The following ASTN2 variants were observed in gnomAD, a reference collection of about 807,000 sequenced individuals.
ASTN2 encodes the protein astrotactin-2.
ASTN2 carries 54 observed loss-of-function variants against 139.8 expected under a neutral mutation model. The observed-to-expected ratio is 0.39, with a 90% CI of 0.31 to 0.48. The LOEUF (loss-of-function observed/expected upper bound fraction) is 0.48, where lower values mean the gene tolerates loss of function less well. Among genes scored for constraint, ASTN2 ranks in the 20% least tolerant of loss-of-function variants. ASTN2 has a pLI of 0.95. For missense variants in ASTN2, 1,565 were observed against 1,725.1 expected, an observed-to-expected ratio of 0.91 and a Z score of 1.64; for synonymous variants, 756 against 719.5, an observed-to-expected ratio of 1.05 and a Z score of -0.81.
chr9:116,880,635 G>C (rs1833428865), intron 10 of ASTN2, among the ~76,000 whole-genome samples: 1 of 152,170 alleles, frequency 6.6e-6, no homozygotes, highest in African/African-American at 2.4e-5. Flanking sequence ...GCTGGAGAAT[G>C]GGGTAAAATA....
In ASTN2 at chr9:117,291,507, G is replaced by T. The variant is rs1834592902; in HGVS notation, c.449C>A (p.Ser150Tyr). 6.2e-7 allele frequency: 1 copy of T among 1,601,816 alleles called. No homozygotes were observed. Among genetic ancestry groups the T allele is most frequent in the Admixed American group, 1.7e-5 (1 of 59,232 alleles). The change falls in exon 2 of 23, where the codon TCT becomes TAT. Residue 150 changes from serine (S) to tyrosine (Y), a missense_variant. This residue lies in a region of ASTN2 where 596 missense variants were observed against 576.8 expected (regional missense o/e 1.03). Transcript: ENST00000313400. The part of the protein sequence containing the change: ...TELPFFTLEM[S>Y]GTAADISLVH... ...CAGCGAGATGTCCGCTGCTGTGCCA[G>T]ACATCTCTGCAAGACAAGACCCGAG...
intron 11 of ASTN2, among the ~76,000 whole-genome samples, chr9:116,825,226 G>C (rs1323592416): frequency 6.6e-6 from 1 of 152,170 alleles, no homozygotes; most frequent in Non-Finnish European, 1.5e-5. Context: ...GAGCATATAG[G>C]CAGGATGCTT....
intron 1 of ASTN2, among the ~76,000 whole-genome samples, chr9:117,412,201 G>A (rs1033001855): frequency 1.3e-5 from 2 of 152,134 alleles, no homozygotes; most frequent in Non-Finnish European, 2.9e-5. Context: ...CCCGTTGAGA[G>A]CGCCTAAAGC....
intron 19 of ASTN2, among the ~76,000 whole-genome samples, chr9:116,545,101 A>T (rs915728771): frequency 6.6e-6 from 1 of 152,184 alleles, no homozygotes; most frequent in African/African-American, 2.4e-5. Flanking sequence ...CTGCACCAGC[A>T]ACTGCTGGCC....
intron 19 of ASTN2, chr9:116,547,194 T>G (rs1266193705): frequency 6.6e-6 from 1 of 152,228 alleles, no homozygotes; most frequent in African/African-American, 2.4e-5. Context: ...GGGATGGTGG[T>G]TCCCCATGTG....
chr9:116,547,519 T>C (rs1414944805), intron 19 of ASTN2: 2 of 152,174 alleles, frequency 1.3e-5, no homozygotes, highest in Admixed American at 6.5e-5. Context: ...TTGATTCTGA[T>C]CTCCTCTGTG....
chr9:117,149,638 C>A (rs1830283308), intron 3 of ASTN2, among the ~76,000 whole-genome samples: 1 of 152,094 alleles, frequency 6.6e-6, no homozygotes, highest in Non-Finnish European at 1.5e-5. Context: ...AAAAAACCAT[C>A]CAATTTGGAA....
At chr9:117,352,065 G>A (rs1829409391) in intron 1 of ASTN2, among the ~76,000 whole-genome samples, 1 of 152,144 alleles carries the variant, frequency 6.6e-6, no homozygotes, top group South Asian at 2.1e-4. Flanking sequence ...ATTTTGAGGA[G>A]GAAAACCTGG....
intron 7 of ASTN2, among the ~76,000 whole-genome samples, chr9:116,978,207 T>G (rs1836407497): frequency 6.6e-6 from 1 of 152,140 alleles, no homozygotes; most frequent in African/African-American, 2.4e-5. Context: ...CCAACTTATT[T>G]TTCTTTGGGA....
chr9:116,427,841 C>A (rs6478236), intron 22 of ASTN2, among the ~76,000 whole-genome samples: 1 of 152,230 alleles, frequency 6.6e-6, no homozygotes, highest in Non-Finnish European at 1.5e-5. Context: ...GTGCCCCCCC[C>A]AAGAGGAGCC....
At position 116,948,785 on chromosome 9, in the gene ASTN2, G is replaced by GTTTTTTTTTTTTGTTTTTTTTT. The variant is rs1835471789; in HGVS notation, c.1889+26422_1889+26423insAAAAAAAAACAAAAAAAAAAAA. The stretch of plus-strand genomic sequence containing the variant: ...AGAGAGAGGAGAGAAATAATTTGGT[G>GTTTTTTTTTTTTGTTTTTTTTT]TTTTTTTTTTTTTTTTTTTTTTTTT... On this transcript the variant is annotated intron_variant, in intron 10 of 22. Transcript: ENST00000313400. 5.1e-4 allele frequency among the ~76,000 whole-genome samples: 25 copies of GTTTTTTTTTTTTGTTTTTTTTT among 49,474 alleles called. 4 individuals carry two copies. The highest frequency in any genetic ancestry group is 7.8e-4 in the African/African-American group (9 of 11,590). The allele number at this position is 49,474 out of a possible 152,430, so 32.5% of individuals were successfully genotyped here. A position where few individuals can be genotyped will look rare whatever the true frequency, so the allele number is the denominator to read the frequency against.
chr9:116,867,103 C>T (rs960071288), intron 10 of ASTN2, among the ~76,000 whole-genome samples: 1 of 150,702 alleles, frequency 6.6e-6, no homozygotes, highest in Non-Finnish European at 1.5e-5. Flanking sequence ...TAGAGACAGA[C>T]AGGAAAAGAA....
At chr9:117,148,105 T>A (rs1212540112) in intron 3 of ASTN2, among the ~76,000 whole-genome samples, 1 of 152,182 alleles carries the variant, frequency 6.6e-6, no homozygotes, top group Non-Finnish European at 1.5e-5. Context: ...GGTTGACCCA[T>A]GTCTCACTGC....
At chr9:116,869,763 C>A (rs1422603375) in intron 10 of ASTN2, among the ~76,000 whole-genome samples, 1 of 152,198 alleles carries the variant, frequency 6.6e-6, no homozygotes, top group East Asian at 1.9e-4. Context: ...AATACACAAA[C>A]AATCATAGAC....
At chr9:116,689,238 A>G (rs1175571461) in intron 16 of ASTN2, among the ~76,000 whole-genome samples, 1 of 152,106 alleles carries the variant, frequency 6.6e-6, no homozygotes, top group East Asian at 1.9e-4. Context: ...TCCTAGCTCT[A>G]TCTCTTCCTG....
chr9:116,751,753 T>C (rs918971098), intron 13 of ASTN2, among the ~76,000 whole-genome samples: 1 of 152,022 alleles, frequency 6.6e-6, no homozygotes, highest in African/African-American at 2.4e-5. Context: ...AAACAAAACA[T>C]CATTTACATT....
At chr9:116,867,348 A>G (rs1833040265) in intron 10 of ASTN2, among the ~76,000 whole-genome samples, 1 of 151,952 alleles carries the variant, frequency 6.6e-6, no homozygotes, top group Non-Finnish European at 1.5e-5. Context: ...AGGGAAGAGA[A>G]AGACACTGAG....
chr9:116,504,459 T>C (rs1285150262), intron 19 of ASTN2: 2 of 152,194 alleles, frequency 1.3e-5, no homozygotes, highest in Non-Finnish European at 2.9e-5. Flanking sequence ...TTAAAGGACA[T>C]TGAGATAATA....
intron 6 of ASTN2, among the ~76,000 whole-genome samples, chr9:117,017,176 T>C (rs1393448060): frequency 2.0e-5 from 3 of 152,176 alleles, no homozygotes; most frequent in Admixed American, 6.6e-5. Context: ...TTTCTCATTT[T>C]TCTTTAATCA....
Sources: gnomAD v4.1 joint callset for allele counts (sites outside exome capture counted in the v4.1 genomes callset) on GRCh38, gnomAD v4.1.1 for gene constraint, gnomAD v4.1.1 regional missense constraint, MANE v1.5 for transcripts, NCBI Gene and HGNC (gene_info 2026-07-23, HGNC 2026-07-21) for gene names.